Variants in NRCAM observed in about 807,000 individuals in gnomAD.
The protein encoded by NRCAM is NgCAM-related cell adhesion molecule.
In NRCAM, 83 loss-of-function variants were observed where a neutral mutation model predicts 156.5. The ratio of observed to expected loss-of-function variants is 0.53; its 90% CI spans 0.44 to 0.64. The LOEUF is 0.64. Among genes scored for constraint, NRCAM ranks in the 30% least tolerant of loss-of-function variants. The pLI, the probability that NRCAM is intolerant of heterozygous loss-of-function variation, is 0.00. For missense variants in NRCAM, 1,417 were observed against 1,597.3 expected, an observed-to-expected ratio of 0.89 and a Z score of 1.92; for synonymous variants, 538 against 563.9, an observed-to-expected ratio of 0.95 and a Z score of 0.65.
At chr7:108,207,306 G>A (rs2081668072) in intron 13 of NRCAM, 1 of 380,338 alleles carries the variant, frequency 2.6e-6, no homozygotes, top group Non-Finnish European at 4.7e-6. Flanking sequence ...ATATTGCCAA[G>A]TACCAGTCAT....
intron 11 of NRCAM, among the ~76,000 whole-genome samples, chr7:108,216,084 G>A (rs574408405): frequency 1.3e-5 from 2 of 152,248 alleles, no homozygotes; most frequent in South Asian, 2.1e-4. Flanking sequence ...CTTCCTTCAG[G>A]AGATCTTGTA....
At chr7:108,344,178 A>T (rs1378106555) in intron 2 of NRCAM, among the ~76,000 whole-genome samples, 1 of 152,176 alleles carries the variant, frequency 6.6e-6, no homozygotes, top group Non-Finnish European at 1.5e-5. Flanking sequence ...GAGAGACAGG[A>T]CTAGCTGGAT....
rs541383042 is a variant in NRCAM at position 108,367,160 on chromosome 7, A to C, written c.-174+32276T>G. On this transcript the variant is annotated intron_variant, in intron 2 of 32. Transcript: ENST00000379028. ...GGCATGTTAAATCACACAGACTATA[A>C]TATTGGAGATACCTACAAAGAAAGG... Among the ~76,000 whole-genome samples, 4 of 152,336 alleles carry C rather than the reference A, an allele frequency of 2.6e-5. No homozygotes were observed. The South Asian group carries it at 8.3e-4, about 32-fold the overall frequency.
At chr7:108,455,039 C>A (rs1301907950) in intron 1 of NRCAM, among the ~76,000 whole-genome samples, 1 of 151,992 alleles carries the variant, frequency 6.6e-6, no homozygotes, top group Non-Finnish European at 1.5e-5. Context: ...GTACGGGGGA[C>A]GAAGATGTGG....
At chr7:108,208,657 G>A (rs2082415921) in intron 12 of NRCAM, among the ~76,000 whole-genome samples, 1 of 152,046 alleles carries the variant, frequency 6.6e-6, no homozygotes, top group South Asian at 2.1e-4. Flanking sequence ...GTCTTTCCTT[G>A]TCTTTTGTGA....
intron 2 of NRCAM, among the ~76,000 whole-genome samples, chr7:108,364,404 T>C (rs1386820233): frequency 6.6e-6 from 1 of 152,190 alleles, no homozygotes. Context: ...ACATTGCTAA[T>C]GGGACTGTAA....
intron 3 of NRCAM, among the ~76,000 whole-genome samples, chr7:108,291,446 T>A (rs1445725023): frequency 6.6e-6 from 1 of 152,198 alleles, no homozygotes; most frequent in Non-Finnish European, 1.5e-5. Context: ...ATGACTGGCA[T>A]AACAACATAG....
intron 32 of NRCAM, among the ~76,000 whole-genome samples, chr7:108,151,216 G>T (rs1263225725): frequency 6.6e-6 from 1 of 151,154 alleles, no homozygotes; most frequent in Non-Finnish European, 1.5e-5. Flanking sequence ...TAACATTTGG[G>T]AAAAAAATAG....
chr7:108,178,317 T>C (rs1311735511), intron 25 of NRCAM: 4 of 533,480 alleles, frequency 7.5e-6, no homozygotes, highest in Non-Finnish European at 1.0e-5. Context: ...TTTACATTTA[T>C]ATTTAATAAA....
At chr7:108,171,407 G>A (rs2058362486) in intron 28 of NRCAM, among the ~76,000 whole-genome samples, 1 of 152,120 alleles carries the variant, frequency 6.6e-6, no homozygotes, top group African/African-American at 2.4e-5. Context: ...CCATCTCAGG[G>A]TCTTCTCTTT....
intron 3 of NRCAM, among the ~76,000 whole-genome samples, chr7:108,312,139 G>A (rs2098811295): frequency 6.6e-6 from 1 of 151,984 alleles, no homozygotes; most frequent in Non-Finnish European, 1.5e-5. Flanking sequence ...TAAGAAATGG[G>A]GAAGGAATTT....
chr7:108,196,556 A>G (rs2075230743), intron 14 of NRCAM, among the ~76,000 whole-genome samples: 1 of 152,232 alleles, frequency 6.6e-6, no homozygotes, highest in Admixed American at 6.5e-5. Flanking sequence ...GAAGATATAC[A>G]AACAGCCAAC....
At chr7:108,352,094 T>C (rs2099417156) in intron 2 of NRCAM, among the ~76,000 whole-genome samples, 1 of 152,226 alleles carries the variant, frequency 6.6e-6, no homozygotes, top group Non-Finnish European at 1.5e-5. Flanking sequence ...CAAAGTATTA[T>C]TATTATTTTA....
chr7:108,214,279 T>C (rs1036600779), intron 11 of NRCAM, among the ~76,000 whole-genome samples: 4 of 152,214 alleles, frequency 2.6e-5, no homozygotes, highest in African/African-American at 7.2e-5. Flanking sequence ...TCAGAACTTC[T>C]TATTGGTCTA....
At chr7:108,246,497 C>A (rs980090549) in intron 3 of NRCAM, among the ~76,000 whole-genome samples, 1 of 152,080 alleles carries the variant, frequency 6.6e-6, no homozygotes, top group African/African-American at 2.4e-5. Flanking sequence ...AGAGGCAAGG[C>A]AGTAGGAGCA....
intron 1 of NRCAM, among the ~76,000 whole-genome samples, chr7:108,437,888 T>C (rs749959932): frequency 7.2e-5 from 11 of 152,088 alleles, no homozygotes; most frequent in South Asian, 4.2e-4. Context: ...TAAGTTAGTA[T>C]TATTCTGAAG....
chr7:108,401,571 T>C (rs745546839), intron 1 of NRCAM, among the ~76,000 whole-genome samples: 2 of 152,110 alleles, frequency 1.3e-5, no homozygotes, highest in Non-Finnish European at 2.9e-5. Flanking sequence ...ATAGTAATCT[T>C]AGTAGCTAAA....
At chr7:108,316,355 A>T (rs1303675068) in intron 2 of NRCAM, among the ~76,000 whole-genome samples, 1 of 152,264 alleles carries the variant, frequency 6.6e-6, no homozygotes, top group Non-Finnish European at 1.5e-5. Context: ...CTCTGCCTCC[A>T]GAACCATGAG....
At chr7:108,300,956 CAAAT>C (rs1190094037) in intron 3 of NRCAM, among the ~76,000 whole-genome samples, 1 of 151,834 alleles carries the variant, frequency 6.6e-6, no homozygotes, top group Non-Finnish European at 1.5e-5. Context: ...TTCATTGAAT[CAAAT>C]TTTTGTTAAA....
Sources: allele counts gnomAD v4.1 joint callset (sites outside exome capture counted in the v4.1 genomes callset), GRCh38; gene constraint gnomAD v4.1.1; transcripts MANE v1.5; gene names NCBI Gene and HGNC (gene_info 2026-07-23, HGNC 2026-07-21).